CTNNA2: variants seen among roughly 807,000 people sequenced by gnomAD.
CTNNA2 encodes the protein catenin alpha 2.
CTNNA2 carries 42 observed loss-of-function variants against 101.0 expected under a neutral mutation model. The ratio of observed to expected loss-of-function variants is 0.42; its 90% CI spans 0.32 to 0.54. The LOEUF (loss-of-function observed/expected upper bound fraction) is 0.54, where lower values mean the gene tolerates loss of function less well. CTNNA2 is among the 20% of genes least tolerant of loss of function. The pLI is 0.14. For missense variants in CTNNA2, 871 were observed against 1,223.1 expected (o/e 0.71, Z 4.29); for synonymous variants, 450 against 456.4 (o/e 0.99, Z 0.18).
At chr2:80,400,942 T>G (rs1678493928) in intron 8 of CTNNA2, among the ~76,000 whole-genome samples, 1 of 152,322 alleles carries the variant, frequency 6.6e-6, no homozygotes, top group South Asian at 2.1e-4. Flanking sequence ...CCTTCTGCCT[T>G]TGCACTTGTG....
chr2:79,742,864 G>A (rs1394092394), intron 2 of CTNNA2, among the ~76,000 whole-genome samples: 4 of 152,248 alleles, frequency 2.6e-5, no homozygotes, highest in African/African-American at 9.6e-5. Flanking sequence ...GAATAAAACA[G>A]CTCCCAACCC....
At chr2:80,257,077 C>T (rs891310001) in intron 7 of CTNNA2, among the ~76,000 whole-genome samples, 15 of 152,110 alleles carry the variant, frequency 9.9e-5, no homozygotes, top group African/African-American at 2.9e-4. Context: ...TGTCTTTTCA[C>T]TCTGGAAAGT....
At chr2:79,873,180 G>T (rs1682719177) in intron 5 of CTNNA2, among the ~76,000 whole-genome samples, 1 of 152,204 alleles carries the variant, frequency 6.6e-6, no homozygotes. Flanking sequence ...ATTTGTAACA[G>T]TAATTGAATA....
intron 9 of CTNNA2, among the ~76,000 whole-genome samples, chr2:80,422,050 A>G (rs960679661): frequency 2.6e-5 from 4 of 152,170 alleles, no homozygotes; most frequent in Non-Finnish European, 5.9e-5. Flanking sequence ...TGACTGTTGT[A>G]TTAGTCTGTT....
chr2:79,758,791 G>A (rs1235210140), intron 3 of CTNNA2, among the ~76,000 whole-genome samples: 1 of 152,066 alleles, frequency 6.6e-6, no homozygotes, highest in African/African-American at 2.4e-5. Flanking sequence ...CTTTTTTATG[G>A]CTTTGTAGTA....
intron 2 of CTNNA2, among the ~76,000 whole-genome samples, chr2:79,659,544 T>C (rs542163593): frequency 6.6e-6 from 1 of 152,322 alleles, no homozygotes; most frequent in South Asian, 2.1e-4. Flanking sequence ...TTAAGACTGT[T>C]TGATGTTTGA....
chr2:79,714,882 G>T lies in CTNNA2; in HGVS notation c.103-29505G>T, dbSNP rs78396285. On this transcript the variant is annotated intron_variant, in intron 2 of 18. Transcript: ENST00000402739. ...GCATTCTTAGAAGGGCAAGTGTTTA[G>T]GGAAAGATCCTAAAAACCACAGAGA... is the stretch of plus-strand genomic sequence containing the variant. Among the ~76,000 whole-genome samples the T allele has an allele frequency of 4.3e-4, 65 of 152,012 alleles. 1 individual carries two copies. In the East Asian group the frequency reaches 0.012, roughly 29 times the overall value.
intron 2 of CTNNA2, among the ~76,000 whole-genome samples, chr2:79,214,148 A>C (rs1674214876): frequency 6.6e-6 from 1 of 152,184 alleles, no homozygotes; most frequent in Non-Finnish European, 1.5e-5. Flanking sequence ...AATTATGCCA[A>C]GATAGGTAAC....
intron 7 of CTNNA2, among the ~76,000 whole-genome samples, chr2:80,115,953 T>A (rs1701489009): frequency 6.6e-6 from 1 of 152,110 alleles, no homozygotes; most frequent in Non-Finnish European, 1.5e-5. Context: ...AAATAGGATA[T>A]CAATCAGCCC....
chr2:80,294,660 A>AAC (rs1367582846), intron 7 of CTNNA2, among the ~76,000 whole-genome samples: 4 of 151,992 alleles, frequency 2.6e-5, no homozygotes, highest in South Asian at 4.2e-4. Flanking sequence ...TAATAATAAA[A>AAC]ATAATTCTCC....
At chr2:80,285,286 T>A (rs1473950937) in intron 7 of CTNNA2, among the ~76,000 whole-genome samples, 2 of 152,210 alleles carry the variant, frequency 1.3e-5, no homozygotes, top group Non-Finnish European at 2.9e-5. Context: ...TCATTCTCAT[T>A]CATTCTCTAA....
At chr2:80,521,750 A>AT (rs993030905) in intron 9 of CTNNA2, among the ~76,000 whole-genome samples, 6 of 152,128 alleles carry the variant, frequency 3.9e-5, no homozygotes, top group Non-Finnish European at 8.8e-5. Context: ...TGACACCTTG[A>AT]TTTTAGCCCG....
At chr2:80,070,647 G>A (rs1698269274) in intron 7 of CTNNA2, among the ~76,000 whole-genome samples, 1 of 151,662 alleles carries the variant, frequency 6.6e-6, no homozygotes, top group South Asian at 2.1e-4. Context: ...AGCCTGGGAG[G>A]TCGAGGCTGC....
At chr2:79,791,393 T>C (rs184548353) in intron 3 of CTNNA2, among the ~76,000 whole-genome samples, 2 of 152,122 alleles carry the variant, frequency 1.3e-5, no homozygotes, top group African/African-American at 4.8e-5. Flanking sequence ...GCCCCAAATA[T>C]TTTAAAATAA....
intron 4 of CTNNA2, among the ~76,000 whole-genome samples, chr2:79,452,542 A>G (rs1364436132): frequency 1.3e-5 from 2 of 152,044 alleles, no homozygotes; most frequent in Admixed American, 1.3e-4. Flanking sequence ...CCTTTAAAAT[A>G]AAGGTCAATA....
chr2:80,263,981 A>T (rs1168395142), intron 7 of CTNNA2, among the ~76,000 whole-genome samples: 1 of 152,226 alleles, frequency 6.6e-6, no homozygotes, highest in Admixed American at 6.5e-5. Context: ...CTGTATTTAA[A>T]TTATCCACAC....
At chr2:80,583,386 A>G (rs1180332247) in intron 14 of CTNNA2, among the ~76,000 whole-genome samples, 2 of 152,146 alleles carry the variant, frequency 1.3e-5, no homozygotes, top group African/African-American at 4.8e-5. Context: ...TCCCCCCTAA[A>G]ATGTTGAAAA....
chr2:79,777,325 TTATGTGTGTGTGTGTGTG>T (rs1318959929), intron 3 of CTNNA2, among the ~76,000 whole-genome samples: 40 of 124,434 alleles, frequency 3.2e-4, no homozygotes, highest in African/African-American at 1.1e-3. Flanking sequence ...CAAACACTTG[TTATGTGTGTGTGTGTGTG>T]TGTGTGTGTG....
chr2:80,062,658 C>G (rs969462033), intron 7 of CTNNA2, among the ~76,000 whole-genome samples: 1 of 151,238 alleles, frequency 6.6e-6, no homozygotes, highest in East Asian at 1.9e-4. Context: ...TAGACTGGCC[C>G]TTGCTTTCAC....
Sources: gnomAD v4.1 joint callset for allele counts (sites outside exome capture counted in the v4.1 genomes callset) on GRCh38, gnomAD v4.1.1 for gene constraint, MANE v1.5 for transcripts, NCBI Gene and HGNC (gene_info 2026-07-23, HGNC 2026-07-21) for gene names.